The following ZMYM2 variants were observed in gnomAD, a reference collection of about 807,000 sequenced individuals.
ZMYM2 encodes zinc finger MYM-type protein 2.
In ZMYM2, 56 loss-of-function variants were observed where a neutral mutation model predicts 162.8. The ratio of observed to expected loss-of-function variants is 0.34; its 90% CI spans 0.28 to 0.43. The LOEUF is 0.43. Among genes scored for constraint, ZMYM2 ranks in the 20% least tolerant of loss-of-function variants. The pLI is 1.00. For missense variants in ZMYM2, 1,275 were observed against 1,621.8 expected, an observed-to-expected ratio of 0.79 and a Z score of 3.67; for synonymous variants, 510 against 541.6, an observed-to-expected ratio of 0.94 and a Z score of 0.81.
chr13:19,965,758 T>C lies in ZMYM2; in HGVS notation c.-11+5732T>C, dbSNP rs575315680. ...ATTTTAATTATTTCTGGCCCTGATATGGTATCTGAATTCTTTTTTTTTTTT... is the reference window on the plus strand; with the variant it reads ...ATTTTAATTATTTCTGGCCCTGATACGGTATCTGAATTCTTTTTTTTTTTT... On this transcript the variant is annotated intron_variant, in intron 2 of 24. Coordinates refer to ENST00000610343, the MANE Select transcript of ZMYM2 (RefSeq NM_197968.4). 1.7e-4 allele frequency among the ~76,000 whole-genome samples: 25 copies of C among 151,076 alleles called. No individual in the cohort carries two copies. In the South Asian group the frequency reaches 4.6e-3, roughly 28 times the overall value.
At chr13:19,869,660 A>G in the ZMYM2 span, among the ~76,000 whole-genome samples, 14 of 152,006 alleles carry the variant, frequency 9.2e-5, no homozygotes, top group Non-Finnish European at 1.5e-4. Flanking sequence ...TTGGTGGTAC[A>G]TGTCTGTATT....
At chr13:19,957,490 G>A (rs542207866), upstream of ZMYM2, among the ~76,000 whole-genome samples, 15 of 152,352 alleles carry the variant, frequency 9.8e-5, 1 homozygote, top group South Asian at 2.7e-3. Flanking sequence ...GTCCGCCGAA[G>A]ACGTAGGTGT....
Position 20,055,280 on chromosome 13 carries a change from G to A in ZMYM2, c.2493+2969G>A, listed in dbSNP as rs180944555. On this transcript the variant is annotated intron_variant, in intron 14 of 24. Coordinates refer to ENST00000610343, the MANE Select transcript of ZMYM2 (RefSeq NM_197968.4). ...AAAATTTATTTGTAACCCCTTAATC[G>A]ATACTTAAGTGCTTTCACAGGCATT... is the stretch of plus-strand genomic sequence containing the variant. Among the ~76,000 whole-genome samples, 23 of 152,206 alleles carry A rather than the reference G, an allele frequency of 1.5e-4. 1 individual carries two copies. The highest frequency in any genetic ancestry group is 1.0e-3 in the Admixed American group (16 of 15,288).
At chr13:20,051,315 A>T in intron 12 of ZMYM2, 118 bp from the exon 13 acceptor site, 3 of 786,502 alleles carry the variant, frequency 3.8e-6, no homozygotes, top group Non-Finnish European at 3.6e-6. Flanking sequence ...TTTATATTAT[A>T]GTTCTACTTT....
chr13:19,936,166 C>T, the ZMYM2 span, among the ~76,000 whole-genome samples: 1 of 152,212 alleles, frequency 6.6e-6, no homozygotes, highest in Middle Eastern at 3.4e-3. Context: ...TTCTATAATA[C>T]TATTTTCTAA....
Position 20,058,267 on chromosome 13 carries a change from A to C in ZMYM2, c.2494-308A>C, listed in dbSNP as rs984798300. ...AGTATTTTCATAGTTCAGGTTTGCAACCTTGATTTTGTACTTAAAAGTTAG... is the reference window on the plus strand; with the variant it reads ...AGTATTTTCATAGTTCAGGTTTGCACCCTTGATTTTGTACTTAAAAGTTAG... On this transcript the variant is annotated intron_variant, in intron 14 of 24. Coordinates refer to ENST00000610343, the MANE Select transcript of ZMYM2 (RefSeq NM_197968.4). Among the ~76,000 whole-genome samples the C allele has an allele frequency of 5.3e-5, 8 of 152,166 alleles. No homozygotes were observed. In the East Asian group the frequency reaches 5.8e-4, roughly 11 times the overall value.
intron 9 of ZMYM2, among the ~76,000 whole-genome samples, chr13:20,030,894 C>T (rs1953068526): frequency 6.6e-6 from 1 of 152,052 alleles, no homozygotes; most frequent in Non-Finnish European, 1.5e-5. Flanking sequence ...TGCAGTGGCA[C>T]AAAACATTAG....
the ZMYM2 span, among the ~76,000 whole-genome samples, chr13:19,889,699 T>A: frequency 6.6e-6 from 1 of 152,050 alleles, no homozygotes; most frequent in South Asian, 2.1e-4. Flanking sequence ...TTTAGTGCTT[T>A]GGTGGTACCT....
intron 12 of ZMYM2, among the ~76,000 whole-genome samples, chr13:20,046,716 A>AG (rs979076794): frequency 6.6e-6 from 1 of 151,180 alleles, no homozygotes; most frequent in African/African-American, 2.4e-5. Context: ...TATATATTAA[A>AG]GAATAGGGAA....
chr13:19,913,012 A>G, the ZMYM2 span, among the ~76,000 whole-genome samples: 1 of 152,166 alleles, frequency 6.6e-6, no homozygotes, highest in East Asian at 1.9e-4. Flanking sequence ...AAAAGTTGCT[A>G]GTATTGAGTG....
chr13:20,067,407 C>A lies in ZMYM2; in HGVS notation c.3453+17C>A. On this transcript the variant is annotated intron_variant, in intron 21 of 24. Transcript: ENST00000610343. ...ATACAGGAGGTTAGTAATTTGATGG[C>A]TGCTTTCAAGTATAACATTAATAAG... The A allele has an allele frequency of 1.9e-6, 3 of 1,586,310 alleles. No individual in the cohort carries two copies. The highest frequency in any genetic ancestry group is 1.1e-5 in the South Asian group (1 of 87,138).
chr13:20,062,821 TA>T, intron 17 of ZMYM2, 24 bp from the exon 18 acceptor site: 1 of 1,523,618 alleles, frequency 6.6e-7, no homozygotes, highest in Non-Finnish European at 8.8e-7. Context: ...TTTTGATTCC[TA>T]ATGATAATAT....
At chr13:19,986,932 G>A (rs1173589934) in intron 2 of ZMYM2, among the ~76,000 whole-genome samples, 2 of 151,378 alleles carry the variant, frequency 1.3e-5, no homozygotes, top group African/African-American at 4.8e-5. Context: ...GTGAAACCCC[G>A]TCTCTACTAA....
At chr13:20,047,021 A>C (rs926251970) in intron 12 of ZMYM2, among the ~76,000 whole-genome samples, 3 of 152,200 alleles carry the variant, frequency 2.0e-5, no homozygotes, top group Non-Finnish European at 2.9e-5. Flanking sequence ...ATCTTTGTAT[A>C]ATATACATAA....
chr13:19,872,840 A>G, the ZMYM2 span, among the ~76,000 whole-genome samples: 1 of 151,890 alleles, frequency 6.6e-6, no homozygotes, highest in Non-Finnish European at 1.5e-5. Flanking sequence ...GTCTGCCTAA[A>G]ATACAAAAAT....
At chr13:19,958,194 C>A (rs1954691204), upstream of ZMYM2, among the ~76,000 whole-genome samples, 1 of 152,226 alleles carries the variant, frequency 6.6e-6, no homozygotes, top group Non-Finnish European at 1.5e-5. Context: ...GGACCCGCTC[C>A]AGCGCCTCCC....
At chr13:20,014,012 T>C (rs770746544) in intron 6 of ZMYM2, among the ~76,000 whole-genome samples, 20 of 152,148 alleles carry the variant, frequency 1.3e-4, no homozygotes, top group African/African-American at 3.9e-4. Context: ...ATTCTTTAAA[T>C]GTTTGGTAGA....
chr13:19,885,878 T>TACACATATATATGTATAC, the ZMYM2 span, among the ~76,000 whole-genome samples: 28 of 107,344 alleles, frequency 2.6e-4, 5 homozygotes, highest in African/African-American at 1.1e-3. Context: ...TATATGTATA[T>TACACATATATATGTATAC]ACACATATAT....
chr13:20,021,981 A>G (rs1301494952), intron 7 of ZMYM2, among the ~76,000 whole-genome samples: 1 of 152,178 alleles, frequency 6.6e-6, no homozygotes, highest in Non-Finnish European at 1.5e-5. Context: ...TGAAACTAGT[A>G]AGTAGGCTCT....
Sources: gnomAD v4.1 joint callset for allele counts (sites outside exome capture counted in the v4.1 genomes callset) on GRCh38, gnomAD v4.1.1 for gene constraint, MANE v1.5 for transcripts, NCBI Gene and HGNC (gene_info 2026-07-23, HGNC 2026-07-21) for gene names.